PRKD1: variants seen among roughly 807,000 people sequenced by gnomAD.
PRKD1 encodes the protein serine/threonine-protein kinase D1.
Under a neutral mutation model 95.9 loss-of-function variants are expected in PRKD1, and 63 were observed. The observed-to-expected ratio is 0.66, with a 90% CI of 0.54 to 0.81. PRKD1 has a LOEUF of 0.81. PRKD1 is among the 30% of genes least tolerant of loss of function. PRKD1 has a pLI of 0.00. For synonymous variants in PRKD1, 425 were observed against 423.1 expected, an observed-to-expected ratio of 1.00 and a Z score of -0.05; for missense variants, 1,048 against 1,165.3, an observed-to-expected ratio of 0.90 and a Z score of 1.47.
At chr14:29,729,743 T>C (rs1886340844) in intron 1 of PRKD1, among the ~76,000 whole-genome samples, 1 of 152,076 alleles carries the variant, frequency 6.6e-6, no homozygotes. Context: ...GCTTGTATTA[T>C]TGATTTGAGA....
intron 2 of PRKD1, among the ~76,000 whole-genome samples, chr14:29,683,752 C>G (rs953348692): frequency 2.6e-5 from 4 of 152,146 alleles, no homozygotes; most frequent in Non-Finnish European, 1.5e-5. Flanking sequence ...CATGGCTACA[C>G]AGTGAAAATG....
chr14:29,599,925 C>T (rs1418317787), intron 13 of PRKD1, 108 bp from the exon 14 acceptor site: 1 of 996,776 alleles, frequency 1.0e-6, no homozygotes, highest in East Asian at 2.7e-5. Context: ...GAGAAACCCA[C>T]ACTTAAGATT....
chr14:29,778,040 G>A (rs551348989), intron 1 of PRKD1, among the ~76,000 whole-genome samples: 103 of 152,214 alleles, frequency 6.8e-4, no homozygotes, highest in Non-Finnish European at 1.3e-3. Flanking sequence ...GCTCCTGAAT[G>A]ACTACTGGGT....
chr14:29,862,471 T>C (rs1340443696), intron 1 of PRKD1, among the ~76,000 whole-genome samples: 2 of 152,214 alleles, frequency 1.3e-5, no homozygotes, highest in Non-Finnish European at 2.9e-5. Context: ...TTCTCCATAG[T>C]GATTGTAATA....
intron 1 of PRKD1, among the ~76,000 whole-genome samples, chr14:29,727,402 G>T (rs1188607291): frequency 2.0e-5 from 3 of 151,246 alleles, no homozygotes; most frequent in Non-Finnish European, 4.4e-5. Context: ...TAGTTAATTA[G>T]ATCCCATTTG....
At chr14:29,893,605 C>T (rs1479246048) in intron 1 of PRKD1, among the ~76,000 whole-genome samples, 1 of 152,138 alleles carries the variant, frequency 6.6e-6, no homozygotes, top group Non-Finnish European at 1.5e-5. Flanking sequence ...CATATATAAA[C>T]ACTTTCAACT....
intron 11 of PRKD1, among the ~76,000 whole-genome samples, chr14:29,628,335 A>G (rs1207113870): frequency 2.0e-5 from 3 of 152,230 alleles, no homozygotes; most frequent in Admixed American, 1.3e-4. Context: ...TACAGCAGGT[A>G]AAATAGACAA....
At chr14:29,643,819 A>G (rs1478055797) in intron 4 of PRKD1, among the ~76,000 whole-genome samples, 2 of 152,256 alleles carry the variant, frequency 1.3e-5, no homozygotes, top group Non-Finnish European at 2.9e-5. Flanking sequence ...GTCACTTGAC[A>G]ATAAAAAATG....
intron 1 of PRKD1, among the ~76,000 whole-genome samples, chr14:29,732,452 C>A (rs1384118328): frequency 6.6e-6 from 1 of 152,050 alleles, no homozygotes; most frequent in Non-Finnish European, 1.5e-5. Context: ...CTTTTACATA[C>A]ACAAATGTTA....
At chr14:29,851,521 C>T (rs922891759) in intron 1 of PRKD1, among the ~76,000 whole-genome samples, 1 of 152,116 alleles carries the variant, frequency 6.6e-6, no homozygotes, top group Admixed American at 6.6e-5. Flanking sequence ...TCAAAAACCA[C>T]AATGAGATAC....
intron 13 of PRKD1, among the ~76,000 whole-genome samples, chr14:29,621,022 G>A (rs1235065470): frequency 6.6e-6 from 1 of 151,854 alleles, no homozygotes; most frequent in African/African-American, 2.4e-5. Flanking sequence ...TAAAAATGAT[G>A]AGTTCATGTC....
intron 1 of PRKD1, among the ~76,000 whole-genome samples, chr14:29,802,701 T>C (rs2139221947): frequency 6.6e-6 from 1 of 152,326 alleles, no homozygotes; most frequent in Middle Eastern, 3.4e-3. Flanking sequence ...AAGAATCTTA[T>C]CAGGTGACTC....
intron 1 of PRKD1, among the ~76,000 whole-genome samples, chr14:29,912,171 G>A (rs1894739661): frequency 6.6e-6 from 1 of 152,072 alleles, no homozygotes; most frequent in Non-Finnish European, 1.5e-5. Flanking sequence ...TCATCTCCCT[G>A]TTTCAAAATC....
At chr14:29,719,809 A>G (rs1177455941) in intron 2 of PRKD1, among the ~76,000 whole-genome samples, 1 of 152,166 alleles carries the variant, frequency 6.6e-6, no homozygotes, top group Non-Finnish European at 1.5e-5. Flanking sequence ...AGACTGGATC[A>G]TCCTCTCAGA....
intron 16 of PRKD1, among the ~76,000 whole-genome samples, chr14:29,580,446 G>A (rs564440253): frequency 3.3e-5 from 5 of 152,156 alleles, no homozygotes; most frequent in East Asian, 3.9e-4. Context: ...GAGGAGAAAC[G>A]TGTATGTATA....
rs192752541 is a variant in PRKD1, at chr14:29,617,815, C to T, written c.1905+6337G>A. On this transcript the variant is annotated intron_variant, in intron 13 of 17. Transcript: ENST00000331968. ...GGTGCAGTGTCTCATGCCTGTAATC[C>T]CAGCATTTGGGGAGGCTGAGGTGGG... is the stretch of plus-strand genomic sequence containing the variant. 8.7e-4 allele frequency among the ~76,000 whole-genome samples: 132 copies of T among 151,998 alleles called. 3 individuals are homozygous for T. Among genetic ancestry groups the T allele is most frequent in the African/African-American group, 2.4e-3 (98 of 41,446 alleles).
chr14:29,849,579 A>ACAAC (rs3066193), intron 1 of PRKD1, among the ~76,000 whole-genome samples: 17,519 of 149,800 alleles, frequency 0.12, 1,107 homozygotes, highest in East Asian at 0.24. Context: ...AACAACAACA[A>ACAAC]AAAAAAAACT....
rs750847105 is a variant in PRKD1, at chr14:29,599,144, A to G, written c.2068-19T>C. 1 of 1,591,504 alleles carries G rather than the reference A, an allele frequency of 6.3e-7. No homozygotes were observed. The highest frequency in any genetic ancestry group is 1.1e-5 in the South Asian group (1 of 90,322). On this transcript the variant is annotated intron_variant, in intron 14 of 17. Coordinates refer to ENST00000331968, the MANE Select transcript of PRKD1 (RefSeq NM_002742.3). ...CGAGTATCTGTAAAGAAGAATCACC[A>G]AAATTTCATTCCAGTTTATTAATTT...
At chr14:29,660,364 T>C (rs1261536150) in intron 4 of PRKD1, among the ~76,000 whole-genome samples, 2 of 152,284 alleles carry the variant, frequency 1.3e-5, no homozygotes, top group Middle Eastern at 3.4e-3. Context: ...AAGTCTCTGG[T>C]TTGTTCTACA....
Sources: allele counts gnomAD v4.1 joint callset (sites outside exome capture counted in the v4.1 genomes callset), GRCh38; gene constraint gnomAD v4.1.1; transcripts MANE v1.5; gene names NCBI Gene and HGNC (gene_info 2026-07-23, HGNC 2026-07-21).